The following IVD variants were observed in gnomAD, a reference collection of about 807,000 sequenced individuals.
The protein encoded by IVD is isovaleryl-CoA dehydrogenase.
A neutral mutation model predicts 51.3 loss-of-function variants in IVD; 31 were observed. That is an observed-to-expected ratio of 0.60 (90% CI 0.45 to 0.81). The LOEUF (loss-of-function observed/expected upper bound fraction) is 0.81. Among genes scored for constraint, IVD ranks in the 40% least tolerant of loss-of-function variants. The pLI is 0.00. For missense variants in IVD, 475 were observed against 552.0 expected (o/e 0.86, Z 1.40); for synonymous variants, 205 against 219.4 (o/e 0.93, Z 0.58).
chr15:40,432,642 C>T (rs931714816), intron 7 of IVD, among the ~76,000 whole-genome samples: 3 of 152,228 alleles, frequency 2.0e-5, no homozygotes, highest in Non-Finnish European at 2.9e-5. Context: ...TGGCTGAGAG[C>T]CTGTAGGAGA....
chr15:40,425,719 C>T (rs1317195057), downstream of IVD, among the ~76,000 whole-genome samples: 1 of 152,036 alleles, frequency 6.6e-6, no homozygotes, highest in Admixed American at 6.6e-5. Flanking sequence ...GATGGGGCTT[C>T]ATCATGTCGC....
chr15:40,416,015 C>T (rs1199818939), intron 9 of IVD, 63 bp from the exon 10 acceptor site: 13 of 1,494,804 alleles, frequency 8.7e-6, no homozygotes, highest in African/African-American at 5.5e-5. Flanking sequence ...CCATTGCTGA[C>T]CTGCTTTTGG....
At chr15:40,415,874 G>A (rs867982170) in intron 9 of IVD, among the ~76,000 whole-genome samples, 6 of 152,224 alleles carry the variant, frequency 3.9e-5, no homozygotes, top group South Asian at 2.1e-4. Flanking sequence ...TGGCCACTTC[G>A]GGGTGTCATG....
intron 8 of IVD, 56 bp downstream of exon 8, chr15:40,415,038 C>T (rs1327187222): frequency 7.5e-6 from 12 of 1,595,238 alleles, no homozygotes; most frequent in Non-Finnish European, 9.4e-6. Context: ...CGGCAGGTGA[C>T]CCACCATGAG....
chr15:40,413,666 T>G (rs1226963794), intron 7 of IVD, among the ~76,000 whole-genome samples: 2 of 103,930 alleles, frequency 1.9e-5, no homozygotes, highest in Non-Finnish European at 4.2e-5. Flanking sequence ...TGTTTGGGGT[T>G]TTTTTTTGTT....
At chr15:40,432,066 C>T (rs912694727) in intron 7 of IVD, among the ~76,000 whole-genome samples, 2 of 150,096 alleles carry the variant, frequency 1.3e-5, no homozygotes, top group African/African-American at 2.4e-5. Context: ...CAGGTTCAAG[C>T]GATTCTTATG....
intron 7 of IVD, among the ~76,000 whole-genome samples, chr15:40,431,539 CAAA>C (rs1012845331): frequency 1.3e-5 from 2 of 151,840 alleles, no homozygotes; most frequent in Admixed American, 1.3e-4. Context: ...ACTAAAAATA[CAAA>C]AAATTAGCTG....
intron 7 of IVD, among the ~76,000 whole-genome samples, chr15:40,429,739 A>T (rs1365403574): frequency 1.3e-5 from 2 of 152,106 alleles, no homozygotes; most frequent in Non-Finnish European, 2.9e-5. Context: ...GGCAGGGGGG[A>T]ATCTCAAGGC....
Position 40,405,928 on chromosome 15 carries a change from C to T in IVD, c.101C>T (p.Pro34Leu), listed in dbSNP as rs1274096609. 1 of 1,613,024 alleles carries T rather than the reference C, an allele frequency of 6.2e-7. No homozygotes were observed. Among genetic ancestry groups the T allele is most frequent in the African/African-American group, 1.3e-5 (1 of 75,034 alleles). Reference sequence around the variant, plus strand: ...TCCCAGCGGGCCCACTCGCTTTTGCCCGTGGACGATGCAATCAATGGGCTA... The same window carrying T: ...TCCCAGCGGGCCCACTCGCTTTTGCTCGTGGACGATGCAATCAATGGGCTA... The part of the protein sequence containing the change: ...FVSQRAHSLL[P>L]VDDAINGLSE... The change falls in exon 1 of 12, where the codon CCC (proline) becomes CTC (leucine). Residue 34 changes from proline to leucine, a missense_variant. By Grantham distance (98) the Pro-to-Leu change is moderately conservative. Coordinates refer to ENST00000487418, the MANE Select transcript of IVD (RefSeq NM_002225.5).
At chr15:40,410,865 C>T in intron 4 of IVD, 68 bp downstream of exon 4, 4 of 1,560,588 alleles carry the variant, frequency 2.6e-6, no homozygotes, top group Non-Finnish European at 3.5e-6. Context: ...ATACCCTCTC[C>T]CCTTGGGGGC....
At chr15:40,416,696 C>G (rs1265524929) in intron 11 of IVD, among the ~76,000 whole-genome samples, 1 of 151,430 alleles carries the variant, frequency 6.6e-6, no homozygotes, top group Non-Finnish European at 1.5e-5. Flanking sequence ...GAGGCTGTCT[C>G]AAAAAAAAGC....
chr15:40,415,217 G>A (rs2141353828), intron 8 of IVD, 184 bp from the exon 9 acceptor site: 1 of 730,898 alleles, frequency 1.4e-6, no homozygotes, highest in Non-Finnish European at 2.3e-6. Flanking sequence ...TTACTCGGCT[G>A]TGAAACGACA....
chr15:40,414,703 G>C, intron 7 of IVD, 186 bp from the exon 8 acceptor site: 2 of 979,980 alleles, frequency 2.0e-6, no homozygotes, highest in Non-Finnish European at 3.0e-6. Context: ...AGTCCTGGCA[G>C]CTCCACTTCT....
downstream of IVD, among the ~76,000 whole-genome samples, chr15:40,423,061 C>T (rs1892454225): frequency 6.6e-6 from 1 of 151,824 alleles, no homozygotes; most frequent in South Asian, 2.1e-4. Flanking sequence ...ACCCCCAGCC[C>T]CCCAGTAGCT....
At chr15:40,417,547 T>A (rs1212116533) in intron 11 of IVD, among the ~76,000 whole-genome samples, 2 of 151,852 alleles carry the variant, frequency 1.3e-5, no homozygotes. Context: ...TAGAAATAGT[T>A]CATAAGTTTC....
At chr15:40,414,001 C>G (rs889863681) in intron 7 of IVD, among the ~76,000 whole-genome samples, 1 of 152,132 alleles carries the variant, frequency 6.6e-6, no homozygotes, top group Non-Finnish European at 1.5e-5. Context: ...GCTGGGATGA[C>G]AGGCACACAC....
Position 40,410,577 on chromosome 15 carries a change from C to T in IVD, c.287-51C>T, listed in dbSNP as rs570105452. The T allele has an allele frequency of 3.4e-5, 54 of 1,603,470 alleles. No individual in the cohort carries two copies. The East Asian group carries it at 6.9e-4, about 21-fold the overall frequency. ...AATGTAAGATTCTTAATGAATGTCC[C>T]GATTTAATCTGGGCTGCGTTTTCCA... On this transcript the variant is annotated intron_variant, in intron 3 of 11. Coordinates refer to ENST00000487418, the MANE Select transcript of IVD (RefSeq NM_002225.5).
chr15:40,435,436 A>ACACC lies in IVD; in HGVS notation c.805_808dup (p.Gly271ThrfsTer30). ...CCCTAGGGCAGACCTTTTCCGCCCA[A>ACACC]CACCCACCTGGGAGGGAGGGCGAGA... On this transcript the variant is annotated frameshift_variant, in exon 9 of 9. Coordinates refer to the IVD transcript ENST00000473112. LOFTEE classifies it low-confidence loss of function (END_TRUNC). The ACACC allele has an allele frequency of 8.1e-7, 1 of 1,231,206 alleles. No individual in the cohort carries two copies. The highest frequency in any genetic ancestry group is 1.0e-6 in the Non-Finnish European group (1 of 953,058). The allele number at this position is 1,231,206 out of a possible 1,614,324, so 76.3% of individuals were successfully genotyped here.
chr15:40,419,175 T>G lies in IVD; in HGVS notation c.*912T>G. The G allele has an allele frequency of 2.3e-6, 3 of 1,289,218 alleles. No individual in the cohort carries two copies. Among genetic ancestry groups the G allele is most frequent in the Non-Finnish European group, 3.0e-6 (3 of 988,824 alleles). 79.9% of individuals were successfully genotyped at this position (1,289,218 alleles called of 1,614,324 possible). A position where few individuals can be genotyped will look rare whatever the true frequency, so the allele number is the denominator to read the frequency against. On this transcript the variant is annotated 3_prime_UTR_variant, in exon 12 of 12. Transcript: ENST00000487418. ...CAAAAAAACCCTGGCCCTTGTTTCTTCCAGTTTCTAGAGGTATCAGCTCCT... is the reference window on the plus strand; with the variant it reads ...CAAAAAAACCCTGGCCCTTGTTTCTGCCAGTTTCTAGAGGTATCAGCTCCT...
Sources: gnomAD v4.1 joint callset for allele counts (sites outside exome capture counted in the v4.1 genomes callset) on GRCh38, gnomAD v4.1.1 for gene constraint, MANE v1.5 for transcripts, NCBI Gene and HGNC (gene_info 2026-07-23, HGNC 2026-07-21) for gene names.